LRRN2: variants seen among roughly 807,000 people sequenced by gnomAD.
LRRN2 encodes leucine rich repeat neuronal 2, also known as leucine-rich repeat neuronal protein 2.
Under a neutral mutation model 35.7 loss-of-function variants are expected in LRRN2, and 10 were observed. The ratio of observed to expected loss-of-function variants is 0.28; its 90% CI spans 0.17 to 0.47. LRRN2 has a LOEUF of 0.47. Among genes scored for constraint, LRRN2 ranks in the 20% least tolerant of loss-of-function variants. The probability of loss-of-function intolerance (pLI) is 0.99; values close to 1 mark genes in which losing one functional copy is unlikely to be tolerated. For missense variants in LRRN2, 731 were observed against 940.3 expected (o/e 0.78, Z 2.91); for synonymous variants, 391 against 409.6 (o/e 0.95, Z 0.55).
intron 1 of LRRN2, among the ~76,000 whole-genome samples, chr1:204,672,652 C>A (rs1668738449): frequency 6.6e-6 from 1 of 152,188 alleles, no homozygotes; most frequent in African/African-American, 2.4e-5. Context: ...CATCTGCTGG[C>A]AGAGATAGAA....
At chr1:204,626,278 C>A (rs1024473665) in intron 1 of LRRN2, among the ~76,000 whole-genome samples, 2 of 152,080 alleles carry the variant, frequency 1.3e-5, no homozygotes, top group East Asian at 3.9e-4. Context: ...CCACCTCACA[C>A]CCCCTACCAA....
intron 1 of LRRN2, among the ~76,000 whole-genome samples, chr1:204,625,873 G>C (rs1258502787): frequency 6.6e-6 from 1 of 152,246 alleles, no homozygotes; most frequent in Non-Finnish European, 1.5e-5. Context: ...TCTCTTTCTA[G>C]AGTTCCCGTA....
At chr1:204,658,565 A>G (rs1440457550) in intron 1 of LRRN2, among the ~76,000 whole-genome samples, 1 of 152,196 alleles carries the variant, frequency 6.6e-6, no homozygotes, top group East Asian at 1.9e-4. Context: ...TAAAGCAGGG[A>G]CAGACATGGG....
At chr1:204,660,343 C>G (rs910268174) in intron 1 of LRRN2, among the ~76,000 whole-genome samples, 2 of 151,740 alleles carry the variant, frequency 1.3e-5, no homozygotes, top group African/African-American at 2.4e-5. Flanking sequence ...ATCTCACTTT[C>G]TTTCTTTTCC....
rs149220897 is a variant in LRRN2 at position 204,618,891 on chromosome 1, C to T, written c.1102G>A (p.Gly368Ser). 8.7e-6 allele frequency: 14 copies of T among 1,614,028 alleles called. No individual in the cohort carries two copies. The highest frequency in any genetic ancestry group is 6.7e-5 in the Admixed American group (4 of 60,010). ...ACACAGTCACAGCGGATGGGGTTGCCGTGGAGACCTACCTCCTGCAGGTTG... is the reference window on the plus strand; with the variant it reads ...ACACAGTCACAGCGGATGGGGTTGCTGTGGAGACCTACCTCCTGCAGGTTG... The part of the protein sequence containing the change: ...LPNLQEVGLH[G>S]NPIRCDCVIR... Residue 368 changes from glycine (G) to serine (S), a missense_variant, in exon 2 of 2, where the codon GGC becomes AGC. Gly to Ser is a moderately conservative substitution (Grantham distance 56). Coordinates refer to ENST00000367177, the MANE Select transcript of LRRN2 (RefSeq NM_201630.2).
intron 1 of LRRN2, among the ~76,000 whole-genome samples, chr1:204,654,091 A>G (rs1190159359): frequency 2.0e-5 from 3 of 151,552 alleles, no homozygotes; most frequent in Admixed American, 6.6e-5. Context: ...GGGGTCAAAC[A>G]GCTGAAGCTG....
rs755986764 is a variant in LRRN2 at position 204,619,483 on chromosome 1, CA to C, written c.509del (p.Leu170ArgfsTer8). ...AFSGLSNLLR[L>X]HLNSNLLRAI... ...CCCTCAGGAGGTTGGAGTTGAGGTG[CA>C]GCCGCAGCAAGTTGCTGAGGCCAGA... is the stretch of plus-strand genomic sequence containing the variant. On this transcript the variant is annotated frameshift_variant, in exon 2 of 2. Coordinates refer to ENST00000367177, the MANE Select transcript of LRRN2 (RefSeq NM_201630.2). LOFTEE classifies it high-confidence loss of function. 1 of 1,614,244 alleles carries C rather than the reference CA, an allele frequency of 6.2e-7. No individual in the cohort carries two copies. The highest frequency in any genetic ancestry group is 1.7e-5 in the Admixed American group (1 of 60,028).
chr1:204,654,777 T>C (rs11240242), intron 1 of LRRN2, among the ~76,000 whole-genome samples: 61,700 of 151,856 alleles, frequency 0.41, 13,742 homozygotes, highest in Admixed American at 0.51. Flanking sequence ...CCATGAGAGC[T>C]GATGGAGCTC....
chr1:204,676,959 C>A (rs1668836921), intron 1 of LRRN2, among the ~76,000 whole-genome samples: 1 of 152,082 alleles, frequency 6.6e-6, no homozygotes, highest in Non-Finnish European at 1.5e-5. Flanking sequence ...TCCTCAACTG[C>A]AAAATGGGGG....
chr1:204,683,598 C>A (rs571487268), intron 1 of LRRN2, among the ~76,000 whole-genome samples: 1 of 152,094 alleles, frequency 6.6e-6, no homozygotes, highest in Non-Finnish European at 1.5e-5. Context: ...TACTGCCACT[C>A]GGTGTTTCCC....
chr1:204,654,979 G>T (rs960055742), intron 1 of LRRN2, among the ~76,000 whole-genome samples: 5 of 152,240 alleles, frequency 3.3e-5, no homozygotes, highest in African/African-American at 9.6e-5. Flanking sequence ...GTTTATAAGA[G>T]CTCTGGGACT....
chr1:204,682,738 A>G (rs909666803), intron 1 of LRRN2: 1 of 152,216 alleles, frequency 6.6e-6, no homozygotes, highest in Non-Finnish European at 1.5e-5. Context: ...CTGCCAGATA[A>G]ATGGTGAGAT....
At chr1:204,671,092 T>C (rs949400870) in intron 1 of LRRN2, among the ~76,000 whole-genome samples, 2 of 152,114 alleles carry the variant, frequency 1.3e-5, no homozygotes. Context: ...GTGATGGCCA[T>C]GCTGTGGCCT....
chr1:204,646,658 C>T (rs1472723387), intron 1 of LRRN2, among the ~76,000 whole-genome samples: 2 of 152,120 alleles, frequency 1.3e-5, no homozygotes, highest in Non-Finnish European at 2.9e-5. Flanking sequence ...TGTCCACCAG[C>T]TTTCAAAGAT....
chr1:204,631,254 T>TTATATA (rs1558407588), intron 1 of LRRN2, among the ~76,000 whole-genome samples: 4 of 9,922 alleles, frequency 4.0e-4, no homozygotes, highest in African/African-American at 7.6e-4. Context: ...ACCTAGAGTG[T>TTATATA]TCTATATATA....
chr1:204,651,898 C>T (rs1051669836), intron 1 of LRRN2, among the ~76,000 whole-genome samples: 4 of 152,214 alleles, frequency 2.6e-5, no homozygotes, highest in African/African-American at 9.6e-5. Context: ...CCCCTGCCTG[C>T]CCTGCCCCGA....
intron 1 of LRRN2, among the ~76,000 whole-genome samples, chr1:204,640,926 G>A (rs1667961558): frequency 6.6e-6 from 1 of 151,404 alleles, no homozygotes; most frequent in South Asian, 2.1e-4. Context: ...GCATTTGAGG[G>A]TTTGGCATTA....
At chr1:204,623,697 T>C (rs957051252) in intron 1 of LRRN2, among the ~76,000 whole-genome samples, 1 of 152,216 alleles carries the variant, frequency 6.6e-6, no homozygotes, top group African/African-American at 2.4e-5. Context: ...TCATCTGTAA[T>C]CTCCAGGGGT....
At position 204,636,104 on chromosome 1, in the gene LRRN2, CACTT is replaced by C. The variant is rs545324149; in HGVS notation, c.-226-15890_-226-15887del. Among the ~76,000 whole-genome samples the C allele has an allele frequency of 3.1e-3, 466 of 152,338 alleles. 1 individual carries two copies. The highest frequency in any genetic ancestry group is 6.8e-3 in the Middle Eastern group (2 of 294). On this transcript the variant is annotated intron_variant, in intron 1 of 1. Coordinates refer to ENST00000367177, the MANE Select transcript of LRRN2 (RefSeq NM_201630.2). The stretch of plus-strand genomic sequence containing the variant: ...CCCTGCTCGCTGCCATGACCACACT[CACTT>C]AATACCTTCCACGAGCATCGTCATC...
Sources: gnomAD v4.1 joint callset for allele counts (sites outside exome capture counted in the v4.1 genomes callset) on GRCh38, gnomAD v4.1.1 for gene constraint, MANE v1.5 for transcripts, NCBI Gene and HGNC (gene_info 2026-07-23, HGNC 2026-07-21) for gene names.